Variants in DMXL2 observed in about 807,000 individuals in gnomAD.
The protein encoded by DMXL2 is Dmx like 2, also known as dmX-like protein 2.
In DMXL2, 103 loss-of-function variants were observed where a neutral mutation model predicts 331.1. That is an observed-to-expected ratio of 0.31 (90% CI 0.27 to 0.37). The LOEUF is 0.37. Ranked by LOEUF, DMXL2 falls within the 10% of genes least tolerant of loss-of-function variation. The pLI is 1.00. For synonymous variants in DMXL2, 1,281 were observed against 1,252.1 expected, an observed-to-expected ratio of 1.02 and a Z score of -0.49; for missense variants, 3,171 against 3,642.9, an observed-to-expected ratio of 0.87 and a Z score of 3.33.
At chr15:51,516,982 CAAG>C (rs1461982853) in intron 14 of DMXL2, 93 bp downstream of exon 14, 13 of 971,000 alleles carry the variant, frequency 1.3e-5, no homozygotes, top group Non-Finnish European at 2.1e-5. Context: ...TAATAACAAA[CAAG>C]AAAATTATTC....
At chr15:51,577,806 T>C (rs1249938197) in intron 1 of DMXL2, among the ~76,000 whole-genome samples, 1 of 152,218 alleles carries the variant, frequency 6.6e-6, no homozygotes, top group Non-Finnish European at 1.5e-5. Context: ...GGTTATGCCA[T>C]GCTGTGCTAT....
rs777196367 is a variant in DMXL2 at position 51,499,357 on chromosome 15, A to G, written c.3867T>C (p.Asn1289=). The G allele has an allele frequency of 3.7e-6, 6 of 1,613,978 alleles. No individual in the cohort carries two copies. Among genetic ancestry groups the G allele is most frequent in the African/African-American group, 1.3e-5 (1 of 75,066 alleles). ...KFGDTEADSS[N]AEEAAMQDHS... Reference sequence around the variant, plus strand: ...GATCTTGCATTGCTGCCTCTTCTGCATTAGAACTATCAGCTTCAGTGTCTC... The same window carrying G: ...GATCTTGCATTGCTGCCTCTTCTGCGTTAGAACTATCAGCTTCAGTGTCTC... The change falls in exon 18 of 44, where the codon AAT becomes AAC. Residue 1289 remains asparagine, a synonymous_variant. Coordinates refer to ENST00000560891, the MANE Select transcript of DMXL2 (RefSeq NM_001378457.1).
intron 6 of DMXL2, among the ~76,000 whole-genome samples, chr15:51,553,789 TAA>T (rs34022999): frequency 1.3e-3 from 187 of 147,160 alleles, no homozygotes; most frequent in Non-Finnish European, 1.6e-3. Context: ...ATGCAGGGTT[TAA>T]AAAAAAAAAA....
intron 6 of DMXL2, among the ~76,000 whole-genome samples, chr15:51,561,206 A>G (rs2049947592): frequency 6.6e-6 from 1 of 152,214 alleles, no homozygotes; most frequent in South Asian, 2.1e-4. Flanking sequence ...GAAAGAAATA[A>G]CACGAAAGAA....
chr15:51,458,863 T>C, intron 34 of DMXL2, 68 bp from the exon 35 acceptor site: 1 of 1,307,400 alleles, frequency 7.6e-7, no homozygotes, highest in Non-Finnish European at 1.1e-6. Context: ...GCACATCCCA[T>C]AAGATTTAAA....
At chr15:51,507,012 T>A in intron 16 of DMXL2, 122 bp downstream of exon 16, 1 of 762,802 alleles carries the variant, frequency 1.3e-6, no homozygotes, top group Non-Finnish European at 1.8e-6. Context: ...AGAAGAGACA[T>A]AATTCAGCAA....
At chr15:51,558,595 CAT>C (rs1276959791) in intron 6 of DMXL2, among the ~76,000 whole-genome samples, 3 of 152,160 alleles carry the variant, frequency 2.0e-5, no homozygotes, top group Non-Finnish European at 2.9e-5. Context: ...CTAAACCGCA[CAT>C]GATTGCAGTC....
chr15:51,474,391 C>G lies in DMXL2; in HGVS notation c.7166G>C (p.Gly2389Ala). The G allele has an allele frequency of 6.2e-7, 1 of 1,613,592 alleles. No individual in the cohort carries two copies. The highest frequency in any genetic ancestry group is 8.5e-7 in the Non-Finnish European group (1 of 1,179,558). ...NRMWAAVFGG[G>A]VKLVVKPRRQ... Reference sequence around the variant, plus strand: ...TCGAGGTTTCACAACAAGTTTTACACCGCCTCCAAAAACAGCAGCCCACAT... The same window carrying G: ...TCGAGGTTTCACAACAAGTTTTACAGCGCCTCCAAAAACAGCAGCCCACAT... The change falls in exon 28 of 44, where the codon GGT becomes GCT. Residue 2389 changes from glycine to alanine, a missense_variant. By Grantham distance (60) the Gly-to-Ala change is moderately conservative. Around this residue, in one of 7 missense-constraint regions of DMXL2, gnomAD observed 766 missense variants for 940.5 expected, o/e 0.81. Transcript: ENST00000560891.
At chr15:51,470,480 C>T (rs2040998741) in intron 29 of DMXL2, among the ~76,000 whole-genome samples, 1 of 152,016 alleles carries the variant, frequency 6.6e-6, no homozygotes, top group Admixed American at 6.6e-5. Context: ...TGTTGAAAGA[C>T]TTTTTAAGGA....
At chr15:51,477,984 A>G (rs1377466198) in intron 26 of DMXL2, among the ~76,000 whole-genome samples, 1 of 152,098 alleles carries the variant, frequency 6.6e-6, no homozygotes, top group Non-Finnish European at 1.5e-5. Context: ...AGAAAATTTC[A>G]TATTATAAGT....
chr15:51,465,167 A>C (rs1339807906), intron 31 of DMXL2, among the ~76,000 whole-genome samples: 1 of 152,206 alleles, frequency 6.6e-6, no homozygotes, highest in African/African-American at 2.4e-5. Flanking sequence ...AGGCCAAGGC[A>C]GGTGGATCGT....
chr15:51,573,722 T>C (rs1173029767), intron 2 of DMXL2, among the ~76,000 whole-genome samples: 1 of 151,966 alleles, frequency 6.6e-6, no homozygotes, highest in East Asian at 1.9e-4. Context: ...AGGGATAGCA[T>C]TAGGAGAAAT....
intron 13 of DMXL2, among the ~76,000 whole-genome samples, chr15:51,535,399 C>T (rs1235632770): frequency 6.6e-6 from 1 of 151,996 alleles, no homozygotes; most frequent in African/African-American, 2.4e-5. Flanking sequence ...AAATATGTTA[C>T]AAACAAATAA....
chr15:51,474,500 A>G lies in DMXL2; in HGVS notation c.7057T>C (p.Tyr2353His). 6.2e-7 allele frequency: 1 copy of G among 1,614,184 alleles called. No homozygotes were observed. Among genetic ancestry groups the G allele is most frequent in the Non-Finnish European group, 8.5e-7 (1 of 1,180,006 alleles). ...ILLCEAVVAV[Y>H]LSLLIHALAT... is the part of the protein sequence containing the mutation. ...AGAGCATGTATCAATAAACTTAAGTAAACAGCAACAACAGCTTCACATAGC... is the reference window on the plus strand; with the variant it reads ...AGAGCATGTATCAATAAACTTAAGTGAACAGCAACAACAGCTTCACATAGC... Residue 2353 changes from tyrosine (Y) to histidine (H), a missense_variant, in exon 28 of 44, where the codon TAC becomes CAC. Physicochemically the swap from Tyr to His is moderately conservative, Grantham distance 83. Coordinates refer to ENST00000560891, the MANE Select transcript of DMXL2 (RefSeq NM_001378457.1).
chr15:51,523,446 G>C (rs6493501), intron 13 of DMXL2, among the ~76,000 whole-genome samples: 67,443 of 152,000 alleles, frequency 0.44, 15,533 homozygotes, highest in Non-Finnish European at 0.5. Context: ...GATGAGAAAA[G>C]AAAGTTGATC....
chr15:51,608,193 A>G (rs1209442295), intron 1 of DMXL2, among the ~76,000 whole-genome samples: 1 of 151,924 alleles, frequency 6.6e-6, no homozygotes, highest in Non-Finnish European at 1.5e-5. Flanking sequence ...TCAAAAAAAA[A>G]AGAATGAAAC....
In DMXL2 at chr15:51,458,745, C is replaced by T. The variant is rs751036527; in HGVS notation, c.8040G>A (p.Lys2680=). The T allele has an allele frequency of 6.2e-7, 1 of 1,614,004 alleles. No homozygotes were observed. The highest frequency in any genetic ancestry group is 8.5e-7 in the Non-Finnish European group (1 of 1,179,930). ...YPGGKAKVIH[K]ESDMIMAFSV... ...AAAATGCCATGATCATATCAGATTC[C>T]TTATGGATGACTTTCGCCTTTCCAC... The change falls in exon 35 of 44, where the codon AAG becomes AAA. Residue 2680 remains lysine, a synonymous_variant. Coordinates refer to ENST00000560891, the MANE Select transcript of DMXL2 (RefSeq NM_001378457.1).
rs1335570167 is a variant in DMXL2, at chr15:51,592,733, G to A, written c.88-16552C>T. 5.3e-5 allele frequency among the ~76,000 whole-genome samples: 8 copies of A among 152,286 alleles called. 1 individual carries two copies. In the South Asian group the frequency reaches 1.5e-3, roughly 28 times the overall value. On this transcript the variant is annotated intron_variant, in intron 1 of 43. Coordinates refer to ENST00000560891, the MANE Select transcript of DMXL2 (RefSeq NM_001378457.1). ...TGATCTCTCGGCATAAACTCTACAAGAGCCAGAAGAGAGTGGGGGCCAATA... is the reference window on the plus strand; with the variant it reads ...TGATCTCTCGGCATAAACTCTACAAAAGCCAGAAGAGAGTGGGGGCCAATA...
chr15:51,538,200 A>G lies in DMXL2; in HGVS notation c.1345+13T>C. ...ACTTTGGAGTAAGTAAAATCTGAAC[A>G]CAGGATACTAACCATGGTCTAATTT... On this transcript the variant is annotated intron_variant, in intron 10 of 43. Coordinates refer to ENST00000560891, the MANE Select transcript of DMXL2 (RefSeq NM_001378457.1). 1 of 1,602,424 alleles carries G rather than the reference A, an allele frequency of 6.2e-7. No individual in the cohort carries two copies. The highest frequency in any genetic ancestry group is 1.3e-5 in the African/African-American group (1 of 74,640).
Sources: gnomAD v4.1 joint callset for allele counts (sites outside exome capture counted in the v4.1 genomes callset) on GRCh38, gnomAD v4.1.1 for gene constraint, gnomAD v4.1.1 regional missense constraint, MANE v1.5 for transcripts, NCBI Gene and HGNC (gene_info 2026-07-23, HGNC 2026-07-21) for gene names.